The following CNTLN variants were observed in gnomAD, a reference collection of about 807,000 sequenced individuals.
CNTLN encodes centlein, centrosomal protein.
Under a neutral mutation model 180.0 loss-of-function variants are expected in CNTLN, and 212 were observed. The observed-to-expected ratio is 1.18, with a 90% CI of 1.05 to 1.32. The LOEUF (loss-of-function observed/expected upper bound fraction) is 1.32. Among genes scored for constraint, CNTLN ranks in the 40% most tolerant of loss-of-function variants. CNTLN has a pLI of 0.00. For missense variants in CNTLN, 2,095 were observed against 1,610.9 expected (o/e 1.30, Z -5.14); for synonymous variants, 722 against 563.1 (o/e 1.28, Z -3.99).
rs182887363 is a variant in CNTLN, at chr9:17,185,691, T to C, written c.450-40512T>C. 3.9e-5 allele frequency among the ~76,000 whole-genome samples: 6 copies of C among 152,232 alleles called. No individual in the cohort carries two copies. The East Asian group carries it at 1.2e-3, about 29-fold the overall frequency. On this transcript the variant is annotated intron_variant, in intron 2 of 25. Coordinates refer to ENST00000380647, the MANE Select transcript of CNTLN (RefSeq NM_017738.4). ...GGGAGATGCAAAACACATGGAAAGA[T>C]CTTTCCTATCTATGCCTTGCACATT...
intron 13 of CNTLN, among the ~76,000 whole-genome samples, chr9:17,378,101 T>C (rs1291778036): frequency 1.3e-5 from 2 of 152,194 alleles, no homozygotes; most frequent in Non-Finnish European, 2.9e-5. Flanking sequence ...TTAACAATTC[T>C]TTAATCTTTT....
intron 12 of CNTLN, among the ~76,000 whole-genome samples, chr9:17,343,581 G>A (rs1821649281): frequency 6.6e-6 from 1 of 152,126 alleles, no homozygotes; most frequent in Admixed American, 6.5e-5. Flanking sequence ...AATATTTGAT[G>A]CTATAATGAA....
intron 25 of CNTLN, among the ~76,000 whole-genome samples, chr9:17,495,260 T>A (rs1833391332): frequency 6.6e-6 from 1 of 152,058 alleles, no homozygotes; most frequent in African/African-American, 2.4e-5. Context: ...TAAAACAGCC[T>A]AAGGCAGGTC....
intron 25 of CNTLN, among the ~76,000 whole-genome samples, chr9:17,501,906 C>A (rs7041729): frequency 6.6e-6 from 1 of 152,084 alleles, no homozygotes; most frequent in Non-Finnish European, 1.5e-5. Flanking sequence ...CTACAGGCAA[C>A]TCAGTGAAGC....
At chr9:17,365,361 G>T (rs1054828860) in intron 12 of CNTLN, among the ~76,000 whole-genome samples, 3 of 152,094 alleles carry the variant, frequency 2.0e-5, no homozygotes, top group African/African-American at 7.2e-5. Context: ...CATGCTTCCT[G>T]TACAGTCTGT....
At position 17,230,280 on chromosome 9, in the gene CNTLN, G is replaced by T. The variant is rs550795151; in HGVS notation, c.534+3993G>T. 2.0e-5 allele frequency among the ~76,000 whole-genome samples: 3 copies of T among 152,270 alleles called. No individual in the cohort carries two copies. The South Asian group carries it at 6.2e-4, about 32-fold the overall frequency. On this transcript the variant is annotated intron_variant, in intron 3 of 25. Coordinates refer to ENST00000380647, the MANE Select transcript of CNTLN (RefSeq NM_017738.4). ...TAGGGTTGTGTTTACATGTTGTTAG[G>T]TTACAGTTAGCTACCTACAGAGGCA...
At chr9:17,223,080 G>T (rs976282617) in intron 2 of CNTLN, among the ~76,000 whole-genome samples, 6 of 151,930 alleles carry the variant, frequency 3.9e-5, no homozygotes, top group African/African-American at 1.2e-4. Flanking sequence ...TTCCTACACG[G>T]TAATAGGCAG....
chr9:17,202,045 A>G (rs552534168), intron 2 of CNTLN, among the ~76,000 whole-genome samples: 1 of 152,138 alleles, frequency 6.6e-6, no homozygotes, highest in East Asian at 1.9e-4. Flanking sequence ...CTTTGTTCTC[A>G]TTGTTTTCAC....
chr9:17,498,233 G>A (rs1833561933), intron 25 of CNTLN, among the ~76,000 whole-genome samples: 1 of 152,078 alleles, frequency 6.6e-6, no homozygotes, highest in Non-Finnish European at 1.5e-5. Flanking sequence ...TAATGCTGAT[G>A]TAATAAGTTA....
Position 17,466,050 on chromosome 9 carries a change from G to C in CNTLN, c.3601G>C (p.Val1201Leu). The stretch of plus-strand genomic sequence containing the variant: ...TGATTCACTAAAGCAAAGACTTAAC[G>C]TTGCTGTAAAAGAAAAGTCACAGTA... ...SIDSLKQRLNVAVKEKSQYEQ... is the reference protein window; with the variant it reads ...SIDSLKQRLNLAVKEKSQYEQ... Residue 1201 changes from valine to leucine, a missense_variant, in exon 22 of 26, where the codon GTT becomes CTT. Physicochemically the swap from Val to Leu is conservative, Grantham distance 32. Coordinates refer to ENST00000380647, the MANE Select transcript of CNTLN (RefSeq NM_017738.4). 1 of 1,603,524 alleles carries C rather than the reference G, an allele frequency of 6.2e-7. No homozygotes were observed. The highest frequency in any genetic ancestry group is 2.2e-5 in the East Asian group (1 of 44,516).
intron 6 of CNTLN, among the ~76,000 whole-genome samples, chr9:17,282,553 A>T (rs1321328876): frequency 6.6e-6 from 1 of 151,994 alleles, no homozygotes; most frequent in East Asian, 1.9e-4. Flanking sequence ...TCACTTGATG[A>T]TAGTTTCTTT....
intron 5 of CNTLN, among the ~76,000 whole-genome samples, chr9:17,237,354 T>TACACACACACACACACACAC (rs59168012): frequency 9.4e-6 from 1 of 106,462 alleles, no homozygotes; most frequent in Non-Finnish European, 1.9e-5. Flanking sequence ...TATATGCCCC[T>TACACACACACACACACACAC]ACACACACAC....
rs188290547 is a variant in CNTLN at position 17,377,272 on chromosome 9, G to A, written c.1987+10555G>A. Among the ~76,000 whole-genome samples the A allele has an allele frequency of 4.6e-5, 7 of 152,178 alleles. No homozygotes were observed. The East Asian group carries it at 9.7e-4, about 21-fold the overall frequency. On this transcript the variant is annotated intron_variant, in intron 13 of 25. Coordinates refer to ENST00000380647, the MANE Select transcript of CNTLN (RefSeq NM_017738.4). The stretch of plus-strand genomic sequence containing the variant: ...GATAAAATTCAAAGTATTACTAGGC[G>A]CGGTGGCTCACGCCTGTAATCCTAG...
At chr9:17,275,586 G>C (rs1452565122) in intron 6 of CNTLN, among the ~76,000 whole-genome samples, 1 of 152,070 alleles carries the variant, frequency 6.6e-6, no homozygotes, top group African/African-American at 2.4e-5. Flanking sequence ...ACATTTTAGA[G>C]TATGATGGTG....
rs543374241 is a variant in CNTLN, at chr9:17,153,827, A to C, written c.449+10451A>C. On this transcript the variant is annotated intron_variant, in intron 2 of 25. Transcript: ENST00000380647. ...AGACTTGGTCTTTTCACATAGTCCC[A>C]TATTTCTTGGAGGCTTTGTTTTTCC... is the stretch of plus-strand genomic sequence containing the variant. 5.3e-4 allele frequency among the ~76,000 whole-genome samples: 80 copies of C among 152,230 alleles called. 1 individual carries two copies. Among genetic ancestry groups the C allele is most frequent in the Non-Finnish European group, 8.2e-4 (56 of 68,008 alleles).
chr9:17,283,195 C>T (rs531704194), intron 6 of CNTLN, among the ~76,000 whole-genome samples: 5 of 152,200 alleles, frequency 3.3e-5, no homozygotes, highest in Non-Finnish European at 7.4e-5. Context: ...GCCATTTTCA[C>T]GATGTTGATT....
At chr9:17,525,214 A>G in the CNTLN span, among the ~76,000 whole-genome samples, 1 of 152,148 alleles carries the variant, frequency 6.6e-6, no homozygotes, top group Admixed American at 6.5e-5. Flanking sequence ...ATGCGTGACT[A>G]TTGTAAACTT....
chr9:17,497,772 T>G (rs546650324), intron 25 of CNTLN, among the ~76,000 whole-genome samples: 27 of 152,286 alleles, frequency 1.8e-4, no homozygotes, highest in Middle Eastern at 3.4e-3. Flanking sequence ...AAATTTAAAT[T>G]ATAAATACAT....
At chr9:17,434,112 C>G (rs1286159634) in intron 18 of CNTLN, among the ~76,000 whole-genome samples, 1 of 152,086 alleles carries the variant, frequency 6.6e-6, no homozygotes, top group African/African-American at 2.4e-5. Context: ...TGTTTCATTT[C>G]TGATAAGAGG....
Sources: gnomAD v4.1 joint callset for allele counts (sites outside exome capture counted in the v4.1 genomes callset) on GRCh38, gnomAD v4.1.1 for gene constraint, MANE v1.5 for transcripts, NCBI Gene and HGNC (gene_info 2026-07-23, HGNC 2026-07-21) for gene names.